Variants in PARPBP observed in about 807,000 individuals in gnomAD.
PARPBP encodes the protein PCNA-interacting partner.
Under a neutral mutation model 50.0 loss-of-function variants are expected in PARPBP, and 52 were observed. That is an observed-to-expected ratio of 1.04 (90% CI 0.83 to 1.31). PARPBP has a LOEUF of 1.31. PARPBP is among the 50% of genes most tolerant of loss of function. The pLI, the probability that PARPBP is intolerant of heterozygous loss-of-function variation, is 0.00. For synonymous variants in PARPBP, 244 were observed against 232.1 expected, an observed-to-expected ratio of 1.05 and a Z score of -0.47; for missense variants, 697 against 672.0, an observed-to-expected ratio of 1.04 and a Z score of -0.41.
chr12:102,131,611 T>C lies in PARPBP; in HGVS notation c.153+7570T>C, dbSNP rs575804350. On this transcript the variant is annotated intron_variant, in intron 2 of 10. Transcript: ENST00000327680. ...ACCTAAATGGCCATTAATGATAGAC[T>C]GGATAAAGAAAATGTGGTACATATA... is the stretch of plus-strand genomic sequence containing the variant. Among the ~76,000 whole-genome samples, 21 of 152,316 alleles carry C rather than the reference T, an allele frequency of 1.4e-4. No individual in the cohort carries two copies. The East Asian group carries it at 3.9e-3, about 28-fold the overall frequency.
At chr12:102,128,772 A>G (rs1009307087) in intron 2 of PARPBP, among the ~76,000 whole-genome samples, 1 of 152,214 alleles carries the variant, frequency 6.6e-6, no homozygotes, top group Non-Finnish European at 1.5e-5. Context: ...ATTGTGAACA[A>G]TGCAGCAATG....
chr12:102,177,680 A>G (rs1889413546), intron 7 of PARPBP, among the ~76,000 whole-genome samples: 1 of 152,130 alleles, frequency 6.6e-6, no homozygotes, highest in African/African-American at 2.4e-5. Context: ...CTCACAATAT[A>G]TTTTACACAT....
At chr12:102,123,741 A>G in intron 1 of PARPBP, 145 bp from the exon 2 acceptor site, 1 of 500,804 alleles carries the variant, frequency 2.0e-6, no homozygotes, top group Non-Finnish European at 3.4e-6. Context: ...GTTTTCCTAA[A>G]TTTAATTAAA....
chr12:102,143,029 G>T (rs1884855799), intron 2 of PARPBP, among the ~76,000 whole-genome samples: 1 of 152,184 alleles, frequency 6.6e-6, no homozygotes, highest in Non-Finnish European at 1.5e-5. Context: ...TGCCAGACAG[G>T]ATGTTTAAGT....
intron 2 of PARPBP, among the ~76,000 whole-genome samples, chr12:102,147,168 C>T (rs560086894): frequency 1.3e-5 from 2 of 151,150 alleles, no homozygotes; most frequent in South Asian, 2.1e-4. Flanking sequence ...GGCTATTCCT[C>T]GGATCTAGAA....
intron 2 of PARPBP, among the ~76,000 whole-genome samples, chr12:102,135,933 A>G (rs546252779): frequency 6.6e-6 from 1 of 152,218 alleles, no homozygotes; most frequent in East Asian, 1.9e-4. Flanking sequence ...TTTCCCTTAC[A>G]TTCTTCTACC....
intron 2 of PARPBP, among the ~76,000 whole-genome samples, chr12:102,124,514 C>T (rs763913166): frequency 2.0e-5 from 3 of 151,794 alleles, no homozygotes; most frequent in African/African-American, 4.8e-5. Context: ...GGATTTAAGC[C>T]GTAGATTAAG....
intron 3 of PARPBP, among the ~76,000 whole-genome samples, chr12:102,152,932 A>AC (rs1403782937): frequency 7.0e-4 from 101 of 144,030 alleles, no homozygotes; most frequent in African/African-American, 2.5e-3. Context: ...GAACAGTAAA[A>AC]CAAAAAAAAA....
chr12:102,152,933 C>CAA (rs80188087), intron 3 of PARPBP, among the ~76,000 whole-genome samples: 1 of 80,468 alleles, frequency 1.2e-5, no homozygotes, highest in African/African-American at 5.0e-5. Context: ...AACAGTAAAA[C>CAA]AAAAAAAAAA....
rs373447487 is a variant in PARPBP at position 102,135,001 on chromosome 12, A to G, written c.153+10960A>G. ...CCTCTTTCTTATTTGGAATATTTCT[A>G]TATGTATTTTAGATATTCTCTTTGT... On this transcript the variant is annotated intron_variant, in intron 2 of 10. Coordinates refer to ENST00000327680, the MANE Select transcript of PARPBP (RefSeq NM_017915.5). Among the ~76,000 whole-genome samples, 11 of 152,128 alleles carry G rather than the reference A, an allele frequency of 7.2e-5. No homozygotes were observed. In the South Asian group the frequency reaches 8.3e-4, roughly 12 times the overall value.
intron 4 of PARPBP, among the ~76,000 whole-genome samples, chr12:102,156,749 C>T (rs552098838): frequency 2.0e-5 from 3 of 152,222 alleles, no homozygotes; most frequent in African/African-American, 7.2e-5. Flanking sequence ...TCAAGCGATC[C>T]TCCCACCTCA....
At chr12:102,186,125 A>C (rs375682887) in intron 9 of PARPBP, among the ~76,000 whole-genome samples, 1 of 150,756 alleles carries the variant, frequency 6.6e-6, no homozygotes, top group African/African-American at 2.4e-5. Flanking sequence ...GTGGTCTCTA[A>C]TGACCCTTTG....
intron 2 of PARPBP, among the ~76,000 whole-genome samples, chr12:102,125,459 A>G (rs1483850140): frequency 6.6e-6 from 1 of 152,186 alleles, no homozygotes; most frequent in East Asian, 1.9e-4. Context: ...GATTTGAAAC[A>G]GGGGAGGGCA....
In PARPBP at chr12:102,187,511, C is replaced by T. The variant is rs558659293; in HGVS notation, c.1263+4884C>T. Among the ~76,000 whole-genome samples the T allele has an allele frequency of 3.6e-4, 55 of 152,212 alleles. No individual in the cohort carries two copies. The South Asian group carries it at 0.011, about 31-fold the overall frequency. On this transcript the variant is annotated intron_variant, in intron 9 of 10. Coordinates refer to ENST00000327680, the MANE Select transcript of PARPBP (RefSeq NM_017915.5). ...GGGAAATTATCCAAATGCTTTCCTT[C>T]CACTTGATTGAAATACACTCCCTAA...
In PARPBP at chr12:102,153,903, A is replaced by G. The variant is rs200008947; in HGVS notation, c.422A>G (p.Tyr141Cys). Residue 141 changes from tyrosine (Y) to cysteine (C), a missense_variant, in exon 4 of 11, where the codon TAT (tyrosine) becomes TGT (cysteine). Transcript: ENST00000327680. ...CTGGATTTTCTGTCTGGCAAACAGT[A>G]TGCAGTAGGTGATGAAACTGATCTT... ...QLLDFLSGKQ[Y>C]AVGDETDLSI... The G allele has an allele frequency of 4.3e-6, 7 of 1,610,232 alleles. No homozygotes were observed. The African/African-American group carries it at 9.4e-5, about 22-fold the overall frequency.
intron 6 of PARPBP, among the ~76,000 whole-genome samples, chr12:102,166,425 A>G (rs967643455): frequency 6.6e-6 from 1 of 152,156 alleles, no homozygotes; most frequent in African/African-American, 2.4e-5. Context: ...TTTTAGGGGC[A>G]GAAGTGGATT....
At position 102,164,471 on chromosome 12, in the gene PARPBP, T is replaced by C; in HGVS notation, c.529T>C (p.Tyr177His). 6.2e-7 allele frequency: 1 copy of C among 1,613,004 alleles called. No individual in the cohort carries two copies. Among genetic ancestry groups the C allele is most frequent in the Non-Finnish European group, 8.5e-7 (1 of 1,179,198 alleles). ...QLLARKIIFS[Y>H]LNLLVNSKND... ...GCTAGCAAGGAAAATTATCTTTTCA[T>C]ATTTAAATCTGCTAGTGAATTCAAA... is the stretch of plus-strand genomic sequence containing the variant. The change falls in exon 5 of 11, where the codon TAT becomes CAT. Residue 177 changes from tyrosine (Y) to histidine (H), a missense_variant. Coordinates refer to ENST00000327680, the MANE Select transcript of PARPBP (RefSeq NM_017915.5).
chr12:102,171,782 T>C (rs1237697143), intron 6 of PARPBP, among the ~76,000 whole-genome samples: 1 of 150,870 alleles, frequency 6.6e-6, no homozygotes, highest in Non-Finnish European at 1.5e-5. Context: ...GGCAGGAGAA[T>C]GGCGTGAACC....
chr12:102,178,276 G>C lies in PARPBP; in HGVS notation c.1006-316G>C, dbSNP rs55998725. Among the ~76,000 whole-genome samples, 469 of 152,280 alleles carry C rather than the reference G, an allele frequency of 3.1e-3. 2 individuals carry two copies. The highest frequency in any genetic ancestry group is 0.011 in the African/African-American group (437 of 41,554). On this transcript the variant is annotated intron_variant, in intron 7 of 10. Transcript: ENST00000327680. Reference sequence around the variant, plus strand: ...GCATAAGAGAGAAAAAATAAATAGAGATGTTGAGCCATGGGGCTGATGTCA... The same window carrying C: ...GCATAAGAGAGAAAAAATAAATAGACATGTTGAGCCATGGGGCTGATGTCA...
Sources: allele counts gnomAD v4.1 joint callset (sites outside exome capture counted in the v4.1 genomes callset), GRCh38; gene constraint gnomAD v4.1.1; transcripts MANE v1.5; gene names NCBI Gene and HGNC (gene_info 2026-07-23, HGNC 2026-07-21).